Variants in PTPRN2 observed in about 807,000 individuals in gnomAD.
PTPRN2 encodes protein tyrosine phosphatase receptor type N2.
In PTPRN2, 74 loss-of-function variants were observed where a neutral mutation model predicts 118.8. The observed-to-expected ratio is 0.62, with a 90% CI of 0.52 to 0.76. The LOEUF (loss-of-function observed/expected upper bound fraction) is 0.76. Among genes scored for constraint, PTPRN2 ranks in the 30% least tolerant of loss-of-function variants. The pLI is 0.00. For synonymous variants in PTPRN2, 641 were observed against 608.0 expected, an observed-to-expected ratio of 1.05 and a Z score of -0.80; for missense variants, 1,481 against 1,394.4, an observed-to-expected ratio of 1.06 and a Z score of -0.99.
At chr7:158,579,548 CTAATA>C (rs1828517375) in intron 1 of PTPRN2, among the ~76,000 whole-genome samples, 1 of 152,184 alleles carries the variant, frequency 6.6e-6, no homozygotes, top group African/African-American at 2.4e-5. Context: ...CTCTTGACTT[CTAATA>C]TGAGTGCAAG....
chr7:157,685,925 C>A (rs1421167742), intron 12 of PTPRN2, among the ~76,000 whole-genome samples: 1 of 152,134 alleles, frequency 6.6e-6, no homozygotes, highest in Non-Finnish European at 1.5e-5. Flanking sequence ...GGGGTGGGAG[C>A]CGCCCCAGGC....
At chr7:158,161,733 G>A (rs767710901) in intron 6 of PTPRN2, among the ~76,000 whole-genome samples, 55 of 152,064 alleles carry the variant, frequency 3.6e-4, no homozygotes, top group Admixed American at 1.8e-3. Flanking sequence ...TTGGTAAGCT[G>A]GACTTCATTA....
At chr7:157,668,423 C>A (rs2150773434) in intron 13 of PTPRN2, among the ~76,000 whole-genome samples, 1 of 152,334 alleles carries the variant, frequency 6.6e-6, no homozygotes, top group African/African-American at 2.4e-5. Flanking sequence ...AGCCGTGTTG[C>A]CCGAGTGTGC....
chr7:158,038,711 T>G (rs943311731), intron 11 of PTPRN2, among the ~76,000 whole-genome samples: 1 of 148,592 alleles, frequency 6.7e-6, no homozygotes, highest in Non-Finnish European at 1.5e-5. Context: ...TATATTTATA[T>G]TATATAATAT....
In PTPRN2 at chr7:158,080,314, C is replaced by CAAA. The variant is rs556546951; in HGVS notation, c.1723+981_1723+983dup. On this transcript the variant is annotated intron_variant, in intron 11 of 22. Transcript: ENST00000389418. ...TGGGAAAAAAAGACACAAATTTAAG[C>CAAA]AAAAAAAAAAAAAAAAAAAAAAAAA... is the stretch of plus-strand genomic sequence containing the variant. Among the ~76,000 whole-genome samples, 227 of 72,188 alleles carry CAAA rather than the reference C, an allele frequency of 3.1e-3. 1 individual carries two copies. Among genetic ancestry groups the CAAA allele is most frequent in the African/African-American group, 3.8e-3 (61 of 16,166 alleles). The allele number at this position is 72,188 out of a possible 152,430, so 47.4% of individuals were successfully genotyped here.
rs552926237 is a variant in PTPRN2 at position 158,529,501 on chromosome 7, T to A, written c.113-39716A>T. Among the ~76,000 whole-genome samples the A allele has an allele frequency of 6.6e-5, 10 of 152,296 alleles. 1 individual carries two copies. In the South Asian group the frequency reaches 2.1e-3, roughly 32 times the overall value. ...GCCATGGTGACAGCTCACACACAGC[T>A]GCAAACTCACATCGCTGCCTCTGGA... On this transcript the variant is annotated intron_variant, in intron 1 of 22. Coordinates refer to ENST00000389418, the MANE Select transcript of PTPRN2 (RefSeq NM_002847.5). The surrounding 1 kb of genome is among the most constrained non-coding windows in gnomAD (Gnocchi z 4.7).
rs1029209526 is a variant in PTPRN2 at position 158,003,100 on chromosome 7, T to G, written c.1723+78198A>C. On this transcript the variant is annotated intron_variant, in intron 11 of 22. Transcript: ENST00000389418. The surrounding 1 kb of genome is among the most constrained non-coding windows in gnomAD (Gnocchi z 5.0). The stretch of plus-strand genomic sequence containing the variant: ...GCCCTGAACCCTCATGTGACTGTAC[T>G]TGGGGACAGGGCCTCTAAAGAGGTA... 2.6e-5 allele frequency among the ~76,000 whole-genome samples: 4 copies of G among 152,104 alleles called. No homozygotes were observed. Among genetic ancestry groups the G allele is most frequent in the Non-Finnish European group, 5.9e-5 (4 of 68,020 alleles).
intron 2 of PTPRN2, among the ~76,000 whole-genome samples, chr7:158,473,264 A>G (rs1217025407): frequency 6.6e-6 from 1 of 152,256 alleles, no homozygotes; most frequent in Admixed American, 6.5e-5. Flanking sequence ...TTCTCTAAAC[A>G]CTGCAGCCAC....
Position 157,550,042 on chromosome 7 carries a change from C to T in PTPRN2, c.2903-1023G>A, listed in dbSNP as rs550410469. On this transcript the variant is annotated intron_variant, in intron 21 of 22. Coordinates refer to ENST00000389418, the MANE Select transcript of PTPRN2 (RefSeq NM_002847.5). This position sits in a 1 kb window ranked among gnomAD's most constrained non-coding sequence, Gnocchi z 5.2. ...ACCCCAACTACCGTGGGCAGGACAG[C>T]GCTGGCCGAAGACCTGAGGAGGCCC... Among the ~76,000 whole-genome samples the T allele has an allele frequency of 5.9e-5, 9 of 152,368 alleles. No individual in the cohort carries two copies. Among genetic ancestry groups the T allele is most frequent in the Non-Finnish European group, 1.2e-4 (8 of 68,040 alleles).
intron 10 of PTPRN2, among the ~76,000 whole-genome samples, chr7:158,109,994 A>C (rs1816088321): frequency 6.9e-6 from 1 of 145,068 alleles, no homozygotes; most frequent in African/African-American, 2.5e-5. Flanking sequence ...GAATGAAGTC[A>C]CCCTGTGTGA....
chr7:158,186,633 G>A (rs1211805636), intron 5 of PTPRN2, among the ~76,000 whole-genome samples: 5 of 146,618 alleles, frequency 3.4e-5, no homozygotes, highest in African/African-American at 1.0e-4. Context: ...TCAGAAGCCC[G>A]CCTGGGCCAC....
intron 2 of PTPRN2, among the ~76,000 whole-genome samples, chr7:158,481,846 T>C (rs1820667316): frequency 6.6e-6 from 1 of 152,170 alleles, no homozygotes; most frequent in Non-Finnish European, 1.5e-5. Context: ...TAAAGTAAAT[T>C]GAAAACCTCC....
chr7:158,143,266 T>C (rs1214867692), intron 6 of PTPRN2, among the ~76,000 whole-genome samples: 1 of 152,140 alleles, frequency 6.6e-6, no homozygotes, highest in African/African-American at 2.4e-5. Context: ...GCCTGAGTTC[T>C]GAAGGGTCCC....
At chr7:158,112,927 G>C (rs548047122) in intron 9 of PTPRN2, among the ~76,000 whole-genome samples, 176 of 151,918 alleles carry the variant, frequency 1.2e-3, no homozygotes, top group Non-Finnish European at 2.1e-3. Context: ...TACGACCAGA[G>C]GTGTTCACTG....
chr7:157,788,771 C>T (rs1263793634), intron 12 of PTPRN2, among the ~76,000 whole-genome samples: 9 of 152,004 alleles, frequency 5.9e-5, no homozygotes, highest in South Asian at 2.1e-4. Context: ...GCCACATCTC[C>T]GCCATAGGGG....
chr7:157,563,565 C>G (rs548125101), intron 21 of PTPRN2, among the ~76,000 whole-genome samples: 1 of 141,368 alleles, frequency 7.1e-6, no homozygotes, highest in South Asian at 2.4e-4. Context: ...CCACACACAG[C>G]AGATCAGGAC....
intron 11 of PTPRN2, among the ~76,000 whole-genome samples, chr7:157,979,704 A>C (rs910856729): frequency 1.3e-5 from 2 of 152,168 alleles, no homozygotes; most frequent in Admixed American, 1.3e-4. Context: ...ACGCCTGCTT[A>C]TGTATTCTGC....
chr7:158,010,746 A>C (rs1585196860), intron 11 of PTPRN2, among the ~76,000 whole-genome samples: 1 of 152,374 alleles, frequency 6.6e-6, no homozygotes, highest in South Asian at 2.1e-4. Flanking sequence ...TTTTTAAAAA[A>C]GTATTGTTTA....
intron 2 of PTPRN2, among the ~76,000 whole-genome samples, chr7:158,474,506 G>A (rs1421247838): frequency 3.3e-5 from 5 of 152,262 alleles, no homozygotes; most frequent in Non-Finnish European, 5.9e-5. Flanking sequence ...AAGGGAAAAC[G>A]GTCTTTCAAG....
Sources: allele counts gnomAD v4.1 joint callset (sites outside exome capture counted in the v4.1 genomes callset), GRCh38; gene constraint gnomAD v4.1.1; non-coding constraint Gnocchi (gnomAD v3.1); transcripts MANE v1.5; gene names NCBI Gene and HGNC (gene_info 2026-07-23, HGNC 2026-07-21).